Variants in MAP3K15 observed in about 807,000 individuals in gnomAD.
MAP3K15 encodes mitogen-activated protein kinase kinase kinase 15, also known as MAPK/ERK kinase kinase 15.
MAP3K15 carries 124 observed loss-of-function variants against 99.5 expected under a neutral mutation model. That is an observed-to-expected ratio of 1.25 (90% CI 1.08 to 1.45). MAP3K15 has a LOEUF of 1.45. Ranked by LOEUF, MAP3K15 falls within the 40% of genes most tolerant of loss-of-function variation. MAP3K15 has a pLI of 0.00. For synonymous variants in MAP3K15, 494 were observed against 439.6 expected (o/e 1.12, Z -1.55); for missense variants, 1,242 against 1,079.7 (o/e 1.15, Z -2.11).
chrX:19,371,311 T>C, intron 23 of MAP3K15, 34 bp downstream of exon 23: 2 of 1,180,973 alleles, frequency 1.7e-6, no homozygotes, highest in Non-Finnish European at 2.3e-6. Context: ...TTCCAAGATC[T>C]GGTGTGTTCC....
chrX:19,364,262 G>A (rs2063318703), intron 25 of MAP3K15, among the ~76,000 whole-genome samples: 1 of 112,076 alleles, frequency 8.9e-6, no homozygotes, highest in African/African-American at 3.2e-5. Flanking sequence ...GGGCTCTCTG[G>A]GATCAGATAT....
chrX:19,477,247 C>G (rs1466681778), intron 3 of MAP3K15, among the ~76,000 whole-genome samples: 2 of 111,128 alleles, frequency 1.8e-5, no homozygotes, highest in African/African-American at 3.3e-5. Flanking sequence ...TCAAGAGGTG[C>G]AGAGAAAAGT....
In MAP3K15 at chrX:19,460,244, A is replaced by G. The variant is rs994273939; in HGVS notation, c.720-91T>C. 7 of 622,445 alleles carry G rather than the reference A, an allele frequency of 1.1e-5. No individual in the cohort carries two copies. The African/African-American group carries it at 1.6e-4, about 14-fold the overall frequency. 51.3% of individuals were successfully genotyped at this position (622,445 alleles called of 1,213,427 possible). A position where few individuals can be genotyped will look rare whatever the true frequency, so the allele number is the denominator to read the frequency against. ...AAAATGGTTCTCATTGACCTGACTT[A>G]GGCTAACACATAGGGACCTCGGCCC... On this transcript the variant is annotated intron_variant, in intron 4 of 28. Coordinates refer to ENST00000338883, the MANE Select transcript of MAP3K15 (RefSeq NM_001001671.4).
Position 19,435,396 on chromosome X carries a change from G to A in MAP3K15, c.996-3788C>T, listed in dbSNP as rs139945247. On this transcript the variant is annotated intron_variant, in intron 6 of 28. Transcript: ENST00000338883. ...ACGTACTACCACACCTGGCTAATTT[G>A]TGTAGTTTTTGTAGAGACGGGGTTT... 6.7e-3 allele frequency among the ~76,000 whole-genome samples: 741 copies of A among 110,804 alleles called. 4 individuals carry two copies. Among genetic ancestry groups the A allele is most frequent in the Middle Eastern group, 0.023 (5 of 217 alleles).
chrX:19,435,091 A>G (rs5955781), intron 6 of MAP3K15, among the ~76,000 whole-genome samples: 46 of 111,985 alleles, frequency 4.1e-4, no homozygotes, highest in African/African-American at 1.5e-3. Flanking sequence ...ATAATTTCTA[A>G]TGTCTGTGGC....
chrX:19,482,449 T>C (rs2064297682), intron 3 of MAP3K15, among the ~76,000 whole-genome samples: 1 of 112,119 alleles, frequency 8.9e-6, no homozygotes, highest in African/African-American at 3.2e-5. Flanking sequence ...TCCTAGTGCA[T>C]TAAGGATGAT....
intron 12 of MAP3K15, 99 bp from the exon 13 acceptor site, chrX:19,407,382 T>C: frequency 4.3e-6 from 2 of 468,156 alleles, no homozygotes; most frequent in Non-Finnish European, 6.8e-6. Context: ...TCCTGAAAGA[T>C]TCATTAATGT....
intron 14 of MAP3K15, 38 bp downstream of exon 14, chrX:19,400,538 A>G: frequency 1.0e-6 from 1 of 995,463 alleles, no homozygotes; most frequent in Non-Finnish European, 1.4e-6. Flanking sequence ...CGAACACACA[A>G]TCAATGTTTT....
chrX:19,432,143 A>G (rs980706772), intron 6 of MAP3K15, among the ~76,000 whole-genome samples: 4 of 110,525 alleles, frequency 3.6e-5, no homozygotes, highest in African/African-American at 1.3e-4. Context: ...ATTCTATCTC[A>G]ACAAGTAAAT....
intron 9 of MAP3K15, among the ~76,000 whole-genome samples, chrX:19,424,959 A>C (rs1002446701): frequency 1.8e-5 from 2 of 110,059 alleles, no homozygotes; most frequent in Admixed American, 9.7e-5. Context: ...TGTTTTAATC[A>C]ACATAGGTTG....
chrX:19,418,563 T>C (rs968774791), intron 9 of MAP3K15, among the ~76,000 whole-genome samples: 7 of 110,266 alleles, frequency 6.3e-5, no homozygotes, highest in Non-Finnish European at 1.1e-4. Context: ...TACATCTGAT[T>C]GGTGTACCTG....
At chrX:19,381,355 C>T (rs1177212632) in intron 18 of MAP3K15, among the ~76,000 whole-genome samples, 2 of 111,564 alleles carry the variant, frequency 1.8e-5, no homozygotes, top group African/African-American at 6.5e-5. Flanking sequence ...GGAGAGCAGC[C>T]CGGAGAGGGC....
chrX:19,409,979 A>G lies in MAP3K15; in HGVS notation c.1699-6T>C, dbSNP rs776501255. The G allele has an allele frequency of 5.8e-6, 7 of 1,197,717 alleles. No homozygotes were observed. The highest frequency in any genetic ancestry group is 7.9e-6 in the Non-Finnish European group (7 of 884,539). ...TTCCATTCGTGCATCTGTTTCTGCA[A>G]GTTATCAAAGACAGAAGTCAATAGT... On this transcript the variant is annotated splice_region_variant and splice_polypyrimidine_tract_variant and intron_variant, in intron 11 of 28. Coordinates refer to ENST00000338883, the MANE Select transcript of MAP3K15 (RefSeq NM_001001671.4).
intron 6 of MAP3K15, among the ~76,000 whole-genome samples, chrX:19,439,162 C>T (rs1186324200): frequency 1.8e-5 from 2 of 111,028 alleles, no homozygotes. Flanking sequence ...GTGCCACCGG[C>T]CCTCACTCTC....
chrX:19,410,910 G>A (rs1276504115), intron 11 of MAP3K15, among the ~76,000 whole-genome samples: 1 of 111,675 alleles, frequency 9.0e-6, no homozygotes, highest in Non-Finnish European at 1.9e-5. Context: ...GCCAGGCGTG[G>A]TGGCTTACAC....
At chrX:19,388,739 T>C (rs2063508178) in intron 18 of MAP3K15, among the ~76,000 whole-genome samples, 1 of 112,109 alleles carries the variant, frequency 8.9e-6, no homozygotes, top group Non-Finnish European at 1.9e-5. Context: ...GAACCAACGA[T>C]GTTTGCAGCC....
At chrX:19,385,192 T>C (rs1451585476) in intron 18 of MAP3K15, among the ~76,000 whole-genome samples, 1 of 111,566 alleles carries the variant, frequency 9.0e-6, no homozygotes, top group East Asian at 2.8e-4. Context: ...CCCAGGAAGT[T>C]GCAGTCCAGA....
At chrX:19,396,659 G>A (rs1328659659) in intron 15 of MAP3K15, among the ~76,000 whole-genome samples, 1 of 111,815 alleles carries the variant, frequency 8.9e-6, no homozygotes, top group Non-Finnish European at 1.9e-5. Context: ...ATGGATGAAT[G>A]AAGGGTCTTA....
chrX:19,371,066 TAAAA>T lies in MAP3K15; in HGVS notation c.3295-6_3295-3del. On this transcript the variant is annotated splice_region_variant and splice_polypyrimidine_tract_variant and intron_variant, in intron 23 of 28. Coordinates refer to ENST00000338883, the MANE Select transcript of MAP3K15 (RefSeq NM_001001671.4). The stretch of plus-strand genomic sequence containing the variant: ...GTGGTTCCTCAAAATTTTATTTACC[TAAAA>T]AAAAAAAAAATAATAAAATAAACTA... 2 of 905,378 alleles carry T rather than the reference TAAAA, an allele frequency of 2.2e-6. No individual in the cohort carries two copies. Among genetic ancestry groups the T allele is most frequent in the Non-Finnish European group, 1.5e-6 (1 of 677,794 alleles). 74.6% of individuals were successfully genotyped at this position (905,378 alleles called of 1,213,427 possible). A position where few individuals can be genotyped will look rare whatever the true frequency, so the allele number is the denominator to read the frequency against.
Sources: allele counts gnomAD v4.1 joint callset (sites outside exome capture counted in the v4.1 genomes callset), GRCh38; gene constraint gnomAD v4.1.1; transcripts MANE v1.5; gene names NCBI Gene and HGNC (gene_info 2026-07-23, HGNC 2026-07-21).